The following ITGA4 variants were observed in gnomAD, a reference collection of about 807,000 sequenced individuals.
ITGA4 encodes integrin alpha-4.
A neutral mutation model predicts 133.6 loss-of-function variants in ITGA4; 63 were observed. The ratio of observed to expected loss-of-function variants is 0.47; its 90% CI spans 0.38 to 0.58. The LOEUF (loss-of-function observed/expected upper bound fraction) is 0.58, where lower values mean the gene tolerates loss of function less well. Among genes scored for constraint, ITGA4 ranks in the 20% least tolerant of loss-of-function variants. The pLI, the probability that ITGA4 is intolerant of heterozygous loss-of-function variation, is 0.00. For missense variants in ITGA4, 1,076 were observed against 1,252.7 expected (o/e 0.86, Z 2.13); for synonymous variants, 483 against 438.0 (o/e 1.10, Z -1.28).
At chr2:181,474,471 C>T (rs1685628930) in intron 2 of ITGA4, among the ~76,000 whole-genome samples, 2 of 152,206 alleles carry the variant, frequency 1.3e-5, no homozygotes, top group African/African-American at 2.4e-5. Context: ...GTTCCACTTT[C>T]TGCATGCTTA....
At position 181,536,196 on chromosome 2, in the gene ITGA4, TTTTTA is replaced by T. The variant is rs1687078730; in HGVS notation, c.*671_*675del. On this transcript the variant is annotated 3_prime_UTR_variant, in exon 28 of 28. Transcript: ENST00000397033. The stretch of plus-strand genomic sequence containing the variant: ...GTGAAATTACTTCTGGATAATTATT[TTTTTA>T]TAATTATGGATTTCACCATCTTTCT... 6.6e-6 allele frequency: 1 copy of T among 152,020 alleles called. No homozygotes were observed. The highest frequency in any genetic ancestry group is 2.4e-5 in the African/African-American group (1 of 41,442). The allele number at this position is 152,020 out of a possible 1,614,324, so 9.4% of individuals were successfully genotyped here.
chr2:181,521,687 G>A (rs1050858383), intron 17 of ITGA4, among the ~76,000 whole-genome samples: 5 of 152,248 alleles, frequency 3.3e-5, no homozygotes, highest in South Asian at 2.1e-4. Context: ...TTAGTGCCAC[G>A]CACTTGTGGG....
chr2:181,499,442 A>T (rs981011770), intron 15 of ITGA4, among the ~76,000 whole-genome samples: 2 of 152,170 alleles, frequency 1.3e-5, no homozygotes, highest in African/African-American at 4.8e-5. Context: ...AAGCTGTGCC[A>T]GGTCTTTTTC....
At chr2:181,533,075 A>T (rs1686978541) in intron 25 of ITGA4, among the ~76,000 whole-genome samples, 1 of 152,228 alleles carries the variant, frequency 6.6e-6, no homozygotes, top group Admixed American at 6.5e-5. Context: ...AAAAATAATG[A>T]AATATATCTT....
chr2:181,473,512 AGAG>A (rs1384078029), intron 2 of ITGA4, among the ~76,000 whole-genome samples: 9 of 152,340 alleles, frequency 5.9e-5, no homozygotes, highest in Admixed American at 2.0e-4. Flanking sequence ...CAGAATCTCC[AGAG>A]GAGGAGCTCA....
intron 11 of ITGA4, among the ~76,000 whole-genome samples, 170 bp downstream of exon 11, chr2:181,493,589 T>C (rs1367524613): frequency 1.3e-5 from 2 of 152,248 alleles, no homozygotes; most frequent in South Asian, 2.1e-4. Flanking sequence ...GATTAATAAC[T>C]CTTCAAACTC....
rs1687086790 is a variant in ITGA4 at position 181,536,320 on chromosome 2, GA to G, written c.*794del. The G allele has an allele frequency of 1.3e-5, 2 of 151,810 alleles. No individual in the cohort carries two copies. Among genetic ancestry groups the G allele is most frequent in the Non-Finnish European group, 2.9e-5 (2 of 67,946 alleles). 9.4% of individuals were successfully genotyped at this position (151,810 alleles called of 1,614,324 possible). On this transcript the variant is annotated 3_prime_UTR_variant, in exon 28 of 28. Transcript: ENST00000397033. ...ACACACCTTTATCAAGCATACCCAGGAGTAATCTTCAAATCTTTTGTTATAT... is the reference window on the plus strand; with the variant it reads ...ACACACCTTTATCAAGCATACCCAGGGTAATCTTCAAATCTTTTGTTATAT...
At chr2:181,501,001 A>G (rs1481629356) in intron 15 of ITGA4, among the ~76,000 whole-genome samples, 3 of 152,170 alleles carry the variant, frequency 2.0e-5, no homozygotes, top group African/African-American at 4.8e-5. Context: ...TAAATAGGAT[A>G]CTCAGAATAG....
At position 181,536,269 on chromosome 2, in the gene ITGA4, C is replaced by A. The variant is rs1209709910; in HGVS notation, c.*742C>A. The A allele has an allele frequency of 6.6e-6, 1 of 151,798 alleles. No individual in the cohort carries two copies. The highest frequency in any genetic ancestry group is 2.4e-5 in the African/African-American group (1 of 41,326). The allele number at this position is 151,798 out of a possible 1,614,324, so 9.4% of individuals were successfully genotyped here. Reference sequence around the variant, plus strand: ...TGTTTTTATGTAGGTATATATTTACCATTCTTCCTATCTATTCTTCCTATA... The same window carrying A: ...TGTTTTTATGTAGGTATATATTTACAATTCTTCCTATCTATTCTTCCTATA... On this transcript the variant is annotated 3_prime_UTR_variant, in exon 28 of 28. Transcript: ENST00000397033.
Position 181,522,291 on chromosome 2 carries a change from C to G in ITGA4, c.2023C>G (p.Leu675Val). Residue 675 changes from leucine (L) to valine (V), a missense_variant, in exon 18 of 28, where the codon CTA becomes GTA. Physicochemically the swap from Leu to Val is conservative, Grantham distance 32. Around this residue, in one of 4 missense-constraint regions of ITGA4, gnomAD observed 365 missense variants for 421.4 expected, o/e 0.87. Coordinates refer to ENST00000397033, the MANE Select transcript of ITGA4 (RefSeq NM_000885.6). ...NAGDDAYETT[L>V]HVKLPVGLYF... ...TGGAGATGATGCATATGAAACGACT[C>G]TACATGTCAAACTACCCGTGGGTCT... The G allele has an allele frequency of 1.2e-6, 2 of 1,609,680 alleles. No homozygotes were observed. The highest frequency in any genetic ancestry group is 1.3e-5 in the African/African-American group (1 of 74,858).
rs1433713823 is a variant in ITGA4 at position 181,536,093 on chromosome 2, C to A, written c.*566C>A. 1 of 151,640 alleles carries A rather than the reference C, an allele frequency of 6.6e-6. No individual in the cohort carries two copies. Among genetic ancestry groups the A allele is most frequent in the South Asian group, 2.1e-4 (1 of 4,726 alleles). The allele number at this position is 151,640 out of a possible 1,614,324, so 9.4% of individuals were successfully genotyped here. A position where few individuals can be genotyped will look rare whatever the true frequency, so the allele number is the denominator to read the frequency against. ...CTGTGTTCCAACAACCATTTTTTTT[C>A]AGCAGACTATGAATATTATAGTATT... On this transcript the variant is annotated 3_prime_UTR_variant, in exon 28 of 28. Coordinates refer to ENST00000397033, the MANE Select transcript of ITGA4 (RefSeq NM_000885.6).
intron 10 of ITGA4, 91 bp from the exon 11 acceptor site, chr2:181,493,234 G>A (rs1686091446): frequency 2.7e-6 from 2 of 730,970 alleles, no homozygotes; most frequent in Non-Finnish European, 4.7e-6. Context: ...GTTTTCTTAT[G>A]TGATATGAAT....
intron 1 of ITGA4, 151 bp downstream of exon 1, chr2:181,458,002 G>T: frequency 8.8e-7 from 1 of 1,130,564 alleles, no homozygotes; most frequent in South Asian, 1.6e-5. Context: ...ATCTGCCAGG[G>T]AAACTAACTT....
intron 10 of ITGA4, among the ~76,000 whole-genome samples, chr2:181,488,761 T>C (rs1685978762): frequency 6.6e-6 from 1 of 152,094 alleles, no homozygotes; most frequent in Non-Finnish European, 1.5e-5. Flanking sequence ...GGTTTCACTG[T>C]GTTAACCAGG....
rs770679787 is a variant in ITGA4 at position 181,537,746 on chromosome 2, AAGAATTTGAATTGATATCTAAAAAC to A, written c.*2237_*2261del. On this transcript the variant is annotated 3_prime_UTR_variant, in exon 28 of 28. Transcript: ENST00000397033. ...TGTCCAATAAACACATTGTAAAAAA[AAGAATTTGAATTGATATCTAAAAAC>A]AGAATTTGAATTGATATTTCATCTT... 132 of 443,184 alleles carry A rather than the reference AAGAATTTGAATTGATATCTAAAAAC, an allele frequency of 3.0e-4. No individual in the cohort carries two copies. The highest frequency in any genetic ancestry group is 7.2e-4 in the Middle Eastern group (1 of 1,380). The allele number at this position is 443,184 out of a possible 1,614,324, so 27.5% of individuals were successfully genotyped here.
intron 10 of ITGA4, among the ~76,000 whole-genome samples, chr2:181,491,952 T>A (rs1686057057): frequency 6.6e-6 from 1 of 152,248 alleles, no homozygotes; most frequent in Admixed American, 6.5e-5. Context: ...TTCACCTGTC[T>A]ATGACCTATG....
At chr2:181,483,480 C>G (rs1006068945) in intron 9 of ITGA4, among the ~76,000 whole-genome samples, 1 of 152,128 alleles carries the variant, frequency 6.6e-6, no homozygotes, top group Non-Finnish European at 1.5e-5. Flanking sequence ...GACTCTGTTT[C>G]AAGAAAGTAT....
intron 22 of ITGA4, among the ~76,000 whole-genome samples, chr2:181,529,318 A>T (rs1252738528): frequency 6.6e-6 from 1 of 152,202 alleles, no homozygotes; most frequent in Non-Finnish European, 1.5e-5. Context: ...ACAATACCAA[A>T]ACTAGAAGGT....
intron 15 of ITGA4, among the ~76,000 whole-genome samples, chr2:181,503,164 T>C (rs1156382443): frequency 6.6e-6 from 1 of 152,118 alleles, no homozygotes; most frequent in African/African-American, 2.4e-5. Context: ...TTTGCTTTTA[T>C]TTTTGCTGAC....
Sources: gnomAD v4.1 joint callset for allele counts (sites outside exome capture counted in the v4.1 genomes callset) on GRCh38, gnomAD v4.1.1 for gene constraint, gnomAD v4.1.1 regional missense constraint, MANE v1.5 for transcripts, NCBI Gene and HGNC (gene_info 2026-07-23, HGNC 2026-07-21) for gene names.